DNAAF11: variants seen among roughly 807,000 people sequenced by gnomAD.
DNAAF11 encodes dynein axonemal assembly factor 11, also known as leucine rich repeat containing 6.
A neutral mutation model predicts 60.8 loss-of-function variants in DNAAF11; 45 were observed. The observed-to-expected ratio is 0.74, with a 90% CI of 0.58 to 0.95. DNAAF11 has a LOEUF of 0.95. DNAAF11 is among the 40% of genes least tolerant of loss of function. The pLI, the probability that DNAAF11 is intolerant of heterozygous loss-of-function variation, is 0.00. For missense variants in DNAAF11, 546 were observed against 546.2 expected, an observed-to-expected ratio of 1.00 and a Z score of 0.00; for synonymous variants, 191 against 183.5, an observed-to-expected ratio of 1.04 and a Z score of -0.33.
chr8:132,695,060 C>A, the DNAAF11 span, among the ~76,000 whole-genome samples: 3 of 152,146 alleles, frequency 2.0e-5, no homozygotes, highest in Non-Finnish European at 4.4e-5. Flanking sequence ...TAAGAACTGA[C>A]CATTGGATTT....
intron 10 of DNAAF11, among the ~76,000 whole-genome samples, 174 bp downstream of exon 10, chr8:132,609,992 C>T (rs1330878121): frequency 6.6e-6 from 1 of 152,142 alleles, no homozygotes. Context: ...ACATTCCAGT[C>T]TGAGTTCTTT....
the DNAAF11 span, among the ~76,000 whole-genome samples, chr8:132,682,480 C>T: frequency 8.1e-4 from 124 of 152,314 alleles, 1 homozygote; most frequent in Non-Finnish European, 1.2e-3. Context: ...TCCAGCTGAT[C>T]CCTGCTAGTA....
At chr8:132,647,440 C>A (rs779271492) in intron 3 of DNAAF11, among the ~76,000 whole-genome samples, 1 of 152,092 alleles carries the variant, frequency 6.6e-6, no homozygotes, top group Non-Finnish European at 1.5e-5. Flanking sequence ...GACACCCTAA[C>A]GTCACAATTA....
chr8:132,687,458 A>G, the DNAAF11 span: 1 of 357,900 alleles, frequency 2.8e-6, no homozygotes, highest in South Asian at 2.1e-5. Context: ...CTTTTTTCTT[A>G]TACCTTGATG....
chr8:132,631,320 G>A (rs1247190504), intron 5 of DNAAF11, among the ~76,000 whole-genome samples: 2 of 152,266 alleles, frequency 1.3e-5, no homozygotes, highest in African/African-American at 2.4e-5. Flanking sequence ...TGTTAGAGCC[G>A]CTGCACATTC....
chr8:132,683,408 G>C, the DNAAF11 span, among the ~76,000 whole-genome samples: 2 of 152,144 alleles, frequency 1.3e-5, no homozygotes, highest in African/African-American at 2.4e-5. Flanking sequence ...ATTGAGGCAC[G>C]TCCTCAATGT....
At chr8:132,615,471 C>T (rs1819048684) in intron 7 of DNAAF11, among the ~76,000 whole-genome samples, 1 of 152,146 alleles carries the variant, frequency 6.6e-6, no homozygotes, top group Non-Finnish European at 1.5e-5. Flanking sequence ...GTTGCTTTTG[C>T]CTCCCCTTTA....
At chr8:132,644,165 A>G (rs1030539997) in intron 3 of DNAAF11, among the ~76,000 whole-genome samples, 3 of 152,168 alleles carry the variant, frequency 2.0e-5, no homozygotes, top group Non-Finnish European at 2.9e-5. Flanking sequence ...TCAATACATA[A>G]AATAGGCTTT....
upstream of DNAAF11, among the ~76,000 whole-genome samples, chr8:132,676,134 C>T (rs1356710831): frequency 2.0e-5 from 3 of 152,180 alleles, no homozygotes; most frequent in East Asian, 5.8e-4. Context: ...TCGTTTCCGG[C>T]TAACAAGCTT....
intron 7 of DNAAF11, among the ~76,000 whole-genome samples, chr8:132,619,954 T>C (rs1819589283): frequency 6.6e-6 from 1 of 152,012 alleles, no homozygotes; most frequent in Non-Finnish European, 1.5e-5. Context: ...AAATTGGATG[T>C]TGGGAGGAAA....
At chr8:132,685,515 T>A in the DNAAF11 span, among the ~76,000 whole-genome samples, 2 of 152,130 alleles carry the variant, frequency 1.3e-5, no homozygotes, top group Non-Finnish European at 1.5e-5. Context: ...TTGATTTGAG[T>A]TTTTTGTGAG....
chr8:132,644,748 C>T (rs1586674831), intron 3 of DNAAF11, among the ~76,000 whole-genome samples: 2 of 152,304 alleles, frequency 1.3e-5, no homozygotes, highest in Middle Eastern at 3.4e-3. Flanking sequence ...GCACAGCAGT[C>T]TGAGATCGAA....
chr8:132,651,576 C>T (rs1443527525), intron 3 of DNAAF11, among the ~76,000 whole-genome samples: 1 of 152,112 alleles, frequency 6.6e-6, no homozygotes, highest in Admixed American at 6.6e-5. Context: ...AGGTAAAAGG[C>T]AGGAGGGGGG....
chr8:132,685,288 G>T, the DNAAF11 span, among the ~76,000 whole-genome samples: 1 of 152,156 alleles, frequency 6.6e-6, no homozygotes, highest in Admixed American at 6.5e-5. Context: ...ATTATGAATA[G>T]GGATGTGAGT....
At chr8:132,697,816 G>A in the DNAAF11 span, among the ~76,000 whole-genome samples, 7 of 152,254 alleles carry the variant, frequency 4.6e-5, no homozygotes, top group African/African-American at 1.7e-4. Flanking sequence ...AGATAGTGCA[G>A]TCTGGTGTCA....
intron 7 of DNAAF11, among the ~76,000 whole-genome samples, chr8:132,616,572 G>A (rs1218956786): frequency 1.3e-5 from 2 of 152,150 alleles, no homozygotes; most frequent in African/African-American, 4.8e-5. Flanking sequence ...GGGTGAATGT[G>A]TGTTACTGAG....
chr8:132,658,345 CAG>C (rs1823783418), intron 2 of DNAAF11, among the ~76,000 whole-genome samples: 1 of 152,038 alleles, frequency 6.6e-6, no homozygotes, highest in African/African-American at 2.4e-5. Context: ...TTTTAAGAGA[CAG>C]AGTCTCACTC....
In DNAAF11 at chr8:132,600,345, G is replaced by A. The variant is rs1450773785; in HGVS notation, c.1140+9821C>T. 3.3e-5 allele frequency among the ~76,000 whole-genome samples: 5 copies of A among 152,238 alleles called. No individual in the cohort carries two copies. In the East Asian group the frequency reaches 9.6e-4, roughly 29 times the overall value. On this transcript the variant is annotated intron_variant, in intron 10 of 11. Coordinates refer to ENST00000620350, the MANE Select transcript of DNAAF11 (RefSeq NM_012472.6). The stretch of plus-strand genomic sequence containing the variant: ...TCAATATTGTAAAAATGGCCATACT[G>A]CCCAAGGTAATTTATAGATTCAATG...
In DNAAF11 at chr8:132,578,885, CAG is replaced by C. The variant is rs376743540; in HGVS notation, c.1226+4807_1226+4808del. 4.0e-3 allele frequency among the ~76,000 whole-genome samples: 605 copies of C among 152,326 alleles called. 11 individuals are homozygous for C. The highest frequency in any genetic ancestry group is 0.014 in the African/African-American group (584 of 41,580). On this transcript the variant is annotated intron_variant, in intron 11 of 11. Transcript: ENST00000620350. The stretch of plus-strand genomic sequence containing the variant: ...AATCTGACCTTACAGAGTCTGAAGA[CAG>C]AGGCCAAGGCCCTGAGCATGCCAGG...
Sources: gnomAD v4.1 joint callset for allele counts (sites outside exome capture counted in the v4.1 genomes callset) on GRCh38, gnomAD v4.1.1 for gene constraint, MANE v1.5 for transcripts, NCBI Gene and HGNC (gene_info 2026-07-23, HGNC 2026-07-21) for gene names.